The following FHIT variants were observed in gnomAD, a reference collection of about 807,000 sequenced individuals.
FHIT encodes fragile histidine triad diadenosine triphosphatase, also known as bis(5'-adenosyl)-triphosphatase.
Under a neutral mutation model 17.9 loss-of-function variants are expected in FHIT, and 19 were observed. That is an observed-to-expected ratio of 1.06 (90% confidence interval 0.74 to 1.56). FHIT has a LOEUF of 1.56. FHIT is among the 40% of genes most tolerant of loss of function. The pLI, the probability that FHIT is intolerant of heterozygous loss-of-function variation, is 0.00. For synonymous variants in FHIT, 81 were observed against 69.7 expected, an observed-to-expected ratio of 1.16 and a Z score of -0.81; for missense variants, 248 against 189.2, an observed-to-expected ratio of 1.31 and a Z score of -1.82.
chr3:60,158,346 T>A (rs1386153843), intron 5 of FHIT, among the ~76,000 whole-genome samples: 1 of 151,366 alleles, frequency 6.6e-6, no homozygotes, highest in Non-Finnish European at 1.5e-5. Context: ...TGAGACAGAA[T>A]CTCTGCCCAG....
intron 5 of FHIT, among the ~76,000 whole-genome samples, chr3:60,414,432 C>T (rs1483736890): frequency 1.3e-5 from 2 of 152,166 alleles, no homozygotes; most frequent in African/African-American, 4.8e-5. Context: ...GTGACAATAT[C>T]AGTGCCAAAT....
chr3:60,162,722 C>A (rs924297773), intron 5 of FHIT, among the ~76,000 whole-genome samples: 8 of 152,130 alleles, frequency 5.3e-5, no homozygotes, highest in African/African-American at 1.4e-4. Flanking sequence ...AATTGGAACC[C>A]ATGACTGATT....
At chr3:60,477,989 G>C (rs980296027) in intron 5 of FHIT, among the ~76,000 whole-genome samples, 3 of 152,140 alleles carry the variant, frequency 2.0e-5, no homozygotes, top group African/African-American at 7.2e-5. Flanking sequence ...GAGATTCTTT[G>C]CTGGGTAATA....
chr3:59,967,078 T>C (rs1274410167), intron 7 of FHIT, among the ~76,000 whole-genome samples: 2 of 152,030 alleles, frequency 1.3e-5, no homozygotes, highest in Middle Eastern at 3.2e-3. Context: ...CACATTAGTC[T>C]AGGTCTACAC....
At chr3:60,200,069 C>T (rs552817237) in intron 5 of FHIT, among the ~76,000 whole-genome samples, 11 of 152,164 alleles carry the variant, frequency 7.2e-5, no homozygotes, top group African/African-American at 2.4e-4. Flanking sequence ...AGTGAGTGAC[C>T]TAGAGAACAC....
At chr3:60,393,936 T>A (rs1020088548) in intron 5 of FHIT, among the ~76,000 whole-genome samples, 2 of 152,154 alleles carry the variant, frequency 1.3e-5, no homozygotes, top group Admixed American at 1.3e-4. Flanking sequence ...GAGAGTTCTT[T>A]TGTTCCCAGC....
chr3:59,758,898 G>A (rs1701357996), intron 8 of FHIT, among the ~76,000 whole-genome samples: 1 of 152,046 alleles, frequency 6.6e-6, no homozygotes, highest in African/African-American at 2.4e-5. Context: ...TTTAATGCTT[G>A]TGGGTGGCAG....
chr3:60,955,633 T>TATATATATACAC (rs1272864632), intron 3 of FHIT, among the ~76,000 whole-genome samples: 396 of 38,992 alleles, frequency 0.01, 2 homozygotes, highest in South Asian at 0.012. Flanking sequence ...TATATATATA[T>TATATATATACAC]ACACACACAC....
intron 2 of FHIT, among the ~76,000 whole-genome samples, chr3:61,059,819 C>T (rs532037960): frequency 6.6e-6 from 1 of 152,272 alleles, no homozygotes; most frequent in South Asian, 2.1e-4. Context: ...GTTATAACAC[C>T]GACAGAAAAT....
intron 2 of FHIT, among the ~76,000 whole-genome samples, chr3:61,179,567 G>GGTA (rs2038269271): frequency 6.6e-6 from 1 of 151,738 alleles, no homozygotes; most frequent in Non-Finnish European, 1.5e-5. Context: ...AATTAACCAG[G>GGTA]TGTGGTGGTG....
At chr3:60,067,368 A>G in intron 5 of FHIT, among the ~76,000 whole-genome samples, 1 of 152,216 alleles carries the variant, frequency 6.6e-6, no homozygotes, top group East Asian at 1.9e-4. Flanking sequence ...GCACACATAC[A>G]CAGCAGAAAA....
At chr3:60,563,365 T>C (rs1052946524) in intron 4 of FHIT, among the ~76,000 whole-genome samples, 1 of 152,210 alleles carries the variant, frequency 6.6e-6, no homozygotes, top group African/African-American at 2.4e-5. Context: ...ACTGTGCTTC[T>C]CAGATATTGC....
chr3:60,461,524 C>G (rs1449045468), intron 5 of FHIT, among the ~76,000 whole-genome samples: 3 of 152,160 alleles, frequency 2.0e-5, no homozygotes, highest in Admixed American at 6.5e-5. Flanking sequence ...TATAGAGTAG[C>G]CTTCAAAATC....
At position 60,301,419 on chromosome 3, in the gene FHIT, A is replaced by C. The variant is rs145673362; in HGVS notation, c.103+235441T>G. 1.6e-3 allele frequency among the ~76,000 whole-genome samples: 248 copies of C among 152,252 alleles called. 2 individuals are homozygous for C. The highest frequency in any genetic ancestry group is 5.7e-3 in the African/African-American group (237 of 41,570). On this transcript the variant is annotated intron_variant, in intron 5 of 9. Transcript: ENST00000492590. ...GTATCTCGCCAAGCTATAATTACTGACTAAACCTAAACTTCTTTATCACAA... is the reference window on the plus strand; with the variant it reads ...GTATCTCGCCAAGCTATAATTACTGCCTAAACCTAAACTTCTTTATCACAA...
At chr3:60,105,597 A>T (rs537759703) in intron 5 of FHIT, among the ~76,000 whole-genome samples, 1 of 152,272 alleles carries the variant, frequency 6.6e-6, no homozygotes, top group African/African-American at 2.4e-5. Context: ...TACTCAGCTA[A>T]TGGTACCTAT....
intron 5 of FHIT, among the ~76,000 whole-genome samples, chr3:60,061,379 T>C (rs533930589): frequency 1.3e-5 from 2 of 152,324 alleles, no homozygotes; most frequent in South Asian, 4.1e-4. Context: ...CAGTTTCCTC[T>C]CTGGTTTGCG....
intron 3 of FHIT, among the ~76,000 whole-genome samples, chr3:60,928,384 A>G (rs1238360937): frequency 1.3e-5 from 2 of 151,456 alleles, no homozygotes; most frequent in Non-Finnish European, 2.9e-5. Flanking sequence ...AAAAAAGAAA[A>G]AAAAAGTGCG....
chr3:60,706,894 T>A (rs1036355377), intron 4 of FHIT, among the ~76,000 whole-genome samples: 77 of 152,316 alleles, frequency 5.1e-4, no homozygotes, highest in African/African-American at 1.7e-3. Flanking sequence ...AGTTATACAA[T>A]TGTGGCACTT....
chr3:59,867,489 G>T (rs1702708041), intron 8 of FHIT, among the ~76,000 whole-genome samples: 1 of 152,072 alleles, frequency 6.6e-6, no homozygotes, highest in Non-Finnish European at 1.5e-5. Context: ...GAAATGAGAA[G>T]AGGGATTTTC....
Sources: allele counts gnomAD v4.1 joint callset (sites outside exome capture counted in the v4.1 genomes callset), GRCh38; gene constraint gnomAD v4.1.1; transcripts MANE v1.5; gene names NCBI Gene and HGNC (gene_info 2026-07-23, HGNC 2026-07-21).